The following DENND3 variants were observed in gnomAD, a reference collection of about 807,000 sequenced individuals.
The protein encoded by DENND3 is DENN domain-containing protein 3.
Under a neutral mutation model 135.1 loss-of-function variants are expected in DENND3, and 88 were observed. That is an observed-to-expected ratio of 0.65 (90% CI 0.55 to 0.78). The LOEUF is 0.78. Among genes scored for constraint, DENND3 ranks in the 30% least tolerant of loss-of-function variants. The pLI, the probability that DENND3 is intolerant of heterozygous loss-of-function variation, is 0.00. For missense variants in DENND3, 1,392 were observed against 1,688.4 expected, an observed-to-expected ratio of 0.82 and a Z score of 3.08; for synonymous variants, 693 against 712.3, an observed-to-expected ratio of 0.97 and a Z score of 0.43.
At chr8:141,180,659 C>T (rs1414309668) in intron 16 of DENND3, 88 bp from the exon 17 acceptor site, 10 of 1,214,164 alleles carry the variant, frequency 8.2e-6, no homozygotes, top group Non-Finnish European at 1.2e-5. Context: ...AGCTGATATT[C>T]TGCAGAAATC....
chr8:141,193,863 A>G (rs1825094137), intron 22 of DENND3, 170 bp from the exon 23 acceptor site: 2 of 678,874 alleles, frequency 2.9e-6, no homozygotes, highest in Non-Finnish European at 5.0e-6. Context: ...AAGCCCGAGA[A>G]GGGTCCTGTG....
At chr8:141,142,180 T>A in intron 4 of DENND3, 2 of 335,288 alleles carry the variant, frequency 6.0e-6, no homozygotes, top group Non-Finnish European at 1.2e-5. Context: ...GCTTTTGTGA[T>A]GTTGGGGGCT....
At chr8:141,170,373 GTGT>G (rs1821380537) in intron 13 of DENND3, among the ~76,000 whole-genome samples, 1 of 152,124 alleles carries the variant, frequency 6.6e-6, no homozygotes, top group South Asian at 2.1e-4. Flanking sequence ...GAGTGTGTAT[GTGT>G]GTATATGAAT....
At chr8:141,184,501 A>T (rs1203828961) in intron 17 of DENND3, 3 of 152,288 alleles carry the variant, frequency 2.0e-5, no homozygotes, top group East Asian at 1.9e-4. Flanking sequence ...AAAATAAAAA[A>T]AAATAACAGC....
chr8:141,177,277 A>G (rs1822503800), intron 15 of DENND3: 2 of 155,108 alleles, frequency 1.3e-5, no homozygotes, highest in Admixed American at 6.4e-5. Flanking sequence ...TCAAATGACA[A>G]TTGCATAGTA....
At chr8:141,159,110 A>G (rs1819808683) in intron 8 of DENND3, among the ~76,000 whole-genome samples, 1 of 152,194 alleles carries the variant, frequency 6.6e-6, no homozygotes, top group Admixed American at 6.5e-5. Flanking sequence ...GAGTCTGGTC[A>G]GCCAGGGCTG....
In DENND3 at chr8:141,136,580, T is replaced by C; in HGVS notation, c.174T>C (p.Pro58=). 1 of 1,580,392 alleles carries C rather than the reference T, an allele frequency of 6.3e-7. No homozygotes were observed. The highest frequency in any genetic ancestry group is 1.2e-5 in the South Asian group (1 of 86,430). ...CAGAGGTCCTGTCCATTTTCGTGCC[T>C]CCTTTTATCAGTAAAGAGGACAGTC... The part of the protein sequence containing the change: ...LDPEVLSIFV[P]PFISKEDSQM... Residue 58 remains proline, a synonymous_variant, in exon 2 of 23, where the codon CCT becomes CCC. Coordinates refer to ENST00000519811, the MANE Select transcript of DENND3 (RefSeq NM_001352890.3).
At position 141,182,438 on chromosome 8, in the gene DENND3, G is replaced by C. The variant is rs1330062062; in HGVS notation, c.2944+1584G>C. ...GCCAGGCTCTGTGCTGACTTCGCCA[G>C]AGATGACTCCACAGACCAAGATACT... On this transcript the variant is annotated intron_variant, in intron 17 of 22. Transcript: ENST00000519811. The surrounding 1 kb of genome is among the most constrained non-coding windows in gnomAD (Gnocchi z 5.9). 7 of 985,356 alleles carry C rather than the reference G, an allele frequency of 7.1e-6. No homozygotes were observed. The highest frequency in any genetic ancestry group is 8.4e-6 in the Non-Finnish European group (7 of 829,936). The allele number at this position is 985,356 out of a possible 1,614,324, so 61.0% of individuals were successfully genotyped here. A position where few individuals can be genotyped will look rare whatever the true frequency, so the allele number is the denominator to read the frequency against.
chr8:141,162,281 A>AT lies in DENND3; in HGVS notation c.1353-1043dup, dbSNP rs541357646. ...TTGAAGATGAAATATCTTATGAACA[A>AT]TTTTTTTTTAATTTCTTAATATTTT... On this transcript the variant is annotated intron_variant, in intron 9 of 22. Transcript: ENST00000519811. 5.9e-3 allele frequency among the ~76,000 whole-genome samples: 897 copies of AT among 151,864 alleles called. 11 individuals carry two copies. The highest frequency in any genetic ancestry group is 0.015 in the African/African-American group (602 of 41,420).
chr8:141,145,820 TATATATATATATATATATA>T (rs1817973180), intron 5 of DENND3, among the ~76,000 whole-genome samples: 3 of 36,616 alleles, frequency 8.2e-5, no homozygotes, highest in African/African-American at 3.1e-4. Context: ...TATATATATA[TATATATATATATATATATA>T]TATATATATA....
At position 141,190,354 on chromosome 8, in the gene DENND3, C is replaced by T. The variant is rs374820736; in HGVS notation, c.3316C>T (p.Arg1106Cys). The T allele has an allele frequency of 2.9e-5, 46 of 1,613,236 alleles. No individual in the cohort carries two copies. Among genetic ancestry groups the T allele is most frequent in the Non-Finnish European group, 3.7e-5 (44 of 1,179,868 alleles). The change falls in exon 20 of 23, where the codon CGC becomes TGC. Residue 1106 changes from arginine (R) to cysteine (C), a missense_variant. Arg to Cys is a radical substitution (Grantham distance 180). Transcript: ENST00000519811. ...TGTGAGCACACTGCAGGTGACCAGC[C>T]GCTTCCAGCTGCCGCGAGGTGGCCT... ...WNVSTLQVTS[R>C]FQLPRGGLTS...
At chr8:141,150,262 TCTC>T (rs1206941685) in intron 5 of DENND3, 13 of 1,244,080 alleles carry the variant, frequency 1.0e-5, no homozygotes, top group Non-Finnish European at 1.4e-5. Context: ...AACTGAACCT[TCTC>T]CTCTGGATTT....
intron 8 of DENND3, chr8:141,158,121 G>A: frequency 1.6e-6 from 2 of 1,269,020 alleles, no homozygotes; most frequent in Non-Finnish European, 2.0e-6. Context: ...TTAAAGCCAA[G>A]CGATGGTCCT....
chr8:141,143,969 C>T, intron 4 of DENND3, 179 bp from the exon 5 acceptor site: 2 of 550,264 alleles, frequency 3.6e-6, no homozygotes, highest in Non-Finnish European at 3.2e-6. Context: ...TCAGGCACTA[C>T]CGCAGACCTG....
intron 5 of DENND3, 45 bp from the exon 6 acceptor site, chr8:141,150,789 C>T: frequency 2.6e-6 from 4 of 1,542,750 alleles, no homozygotes; most frequent in Non-Finnish European, 3.5e-6. Flanking sequence ...TCAGCCTCTG[C>T]CCGGAGCAGC....
intron 13 of DENND3, among the ~76,000 whole-genome samples, chr8:141,170,809 T>C (rs1369645204): frequency 6.6e-6 from 1 of 152,216 alleles, no homozygotes; most frequent in Non-Finnish European, 1.5e-5. Context: ...CCGTGTCATC[T>C]AGCGCCAGCT....
chr8:141,129,119 C>T (rs1231203643), intron 1 of DENND3, among the ~76,000 whole-genome samples: 1 of 152,234 alleles, frequency 6.6e-6, no homozygotes, highest in Non-Finnish European at 1.5e-5. Context: ...TGCCGCCCCT[C>T]GGAGAGTCTC....
At chr8:141,170,304 A>G (rs1233089148) in intron 13 of DENND3, among the ~76,000 whole-genome samples, 1 of 152,066 alleles carries the variant, frequency 6.6e-6, no homozygotes, top group Admixed American at 6.5e-5. Flanking sequence ...TGCGGAATGC[A>G]GTTTCCTTGC....
At position 141,175,772 on chromosome 8, in the gene DENND3, G is replaced by A. The variant is rs1002047193; in HGVS notation, c.2535+313G>A. On this transcript the variant is annotated intron_variant, in intron 14 of 22. Transcript: ENST00000519811. The surrounding 1 kb of genome is among the most constrained non-coding windows in gnomAD (Gnocchi z 5.4). ...TGGGCTGACATTCTCATTAGGGACA[G>A]TAGGACGCCTTCGTTCATCCATGAG... 17 of 408,610 alleles carry A rather than the reference G, an allele frequency of 4.2e-5. No homozygotes were observed. The East Asian group carries it at 9.1e-4, about 22-fold the overall frequency. The allele number at this position is 408,610 out of a possible 1,614,324, so 25.3% of individuals were successfully genotyped here.
Sources: gnomAD v4.1 joint callset for allele counts (sites outside exome capture counted in the v4.1 genomes callset) on GRCh38, gnomAD v4.1.1 for gene constraint, Gnocchi (gnomAD v3.1) non-coding constraint, MANE v1.5 for transcripts, NCBI Gene and HGNC (gene_info 2026-07-23, HGNC 2026-07-21) for gene names.